PKNOX2: variants seen among roughly 807,000 people sequenced by gnomAD.
PKNOX2 encodes the protein PBX/knotted 1 homeobox 2, also known as homeobox protein PKNOX2.
A neutral mutation model predicts 53.1 loss-of-function variants in PKNOX2; 14 were observed. The ratio of observed to expected loss-of-function variants is 0.26; its 90% CI spans 0.17 to 0.41. PKNOX2 has a LOEUF of 0.41. Ranked by LOEUF, PKNOX2 falls within the 10% of genes least tolerant of loss-of-function variation. PKNOX2 has a pLI of 1.00. For missense variants in PKNOX2, 496 were observed against 602.8 expected, an observed-to-expected ratio of 0.82 and a Z score of 1.85; for synonymous variants, 257 against 242.8, an observed-to-expected ratio of 1.06 and a Z score of -0.54.
At chr11:125,234,090 T>A (rs1257855776) in intron 1 of PKNOX2, among the ~76,000 whole-genome samples, 1 of 152,146 alleles carries the variant, frequency 6.6e-6, no homozygotes, top group East Asian at 1.9e-4. Context: ...GAATGCCTTC[T>A]CCTCCCTCCC....
chr11:125,178,577 G>A (rs79192698), intron 1 of PKNOX2, among the ~76,000 whole-genome samples: 1,879 of 33,764 alleles, frequency 0.056, 55 homozygotes, highest in South Asian at 0.087. Flanking sequence ...AAGGAAGGAA[G>A]GAAGGAAGGA....
chr11:125,341,932 G>A (rs947413779), intron 3 of PKNOX2, among the ~76,000 whole-genome samples: 2 of 152,204 alleles, frequency 1.3e-5, no homozygotes. Flanking sequence ...CTTCCAAGGG[G>A]GTGGTGAGGA....
intron 2 of PKNOX2, among the ~76,000 whole-genome samples, chr11:125,315,314 A>C (rs951184162): frequency 3.3e-5 from 5 of 150,520 alleles, no homozygotes; most frequent in Admixed American, 1.3e-4. Context: ...AAAAAAAAAA[A>C]AAAAAAAAAA....
At chr11:125,296,263 G>A (rs555518298) in intron 2 of PKNOX2, among the ~76,000 whole-genome samples, 21 of 152,036 alleles carry the variant, frequency 1.4e-4, no homozygotes, top group African/African-American at 3.4e-4. Flanking sequence ...CTCAAAAGCC[G>A]CCAGTGTCTT....
At chr11:125,321,153 T>C (rs1949494667) in intron 2 of PKNOX2, among the ~76,000 whole-genome samples, 1 of 152,204 alleles carries the variant, frequency 6.6e-6, no homozygotes, top group South Asian at 2.1e-4. Flanking sequence ...AGCAAAGGCC[T>C]GGAGGTGTCT....
chr11:125,277,899 T>G (rs941149484), intron 2 of PKNOX2, among the ~76,000 whole-genome samples: 1 of 152,172 alleles, frequency 6.6e-6, no homozygotes, highest in Non-Finnish European at 1.5e-5. Context: ...AATATACAGC[T>G]ATTATGTATC....
At chr11:125,374,795 C>T (rs188171320) in intron 5 of PKNOX2, among the ~76,000 whole-genome samples, 33 of 152,290 alleles carry the variant, frequency 2.2e-4, no homozygotes, top group African/African-American at 7.5e-4. Flanking sequence ...ATAACCAATG[C>T]TAACAGCTGG....
chr11:125,264,285 G>A (rs1280290933), intron 2 of PKNOX2, among the ~76,000 whole-genome samples: 2 of 152,140 alleles, frequency 1.3e-5, no homozygotes, highest in African/African-American at 4.8e-5. Context: ...TCCTCTCCTG[G>A]GCTGAGCTCA....
chr11:125,290,652 T>C (rs1450500957), intron 2 of PKNOX2, among the ~76,000 whole-genome samples: 1 of 152,232 alleles, frequency 6.6e-6, no homozygotes, highest in Non-Finnish European at 1.5e-5. Context: ...TTCTTTAGTC[T>C]CAGTCATACA....
chr11:125,327,731 G>A (rs1408429391), intron 2 of PKNOX2, among the ~76,000 whole-genome samples: 3 of 152,156 alleles, frequency 2.0e-5, no homozygotes, highest in African/African-American at 7.2e-5. Context: ...GGAATTGCTG[G>A]CAGTGACAGG....
At chr11:125,313,768 T>C (rs1948976484) in intron 2 of PKNOX2, among the ~76,000 whole-genome samples, 1 of 152,178 alleles carries the variant, frequency 6.6e-6, no homozygotes, top group Non-Finnish European at 1.5e-5. Flanking sequence ...TGAAATGAAA[T>C]TAAACATTCA....
At position 125,405,428 on chromosome 11, in the gene PKNOX2, G is replaced by A. The variant is rs77330804; in HGVS notation, c.589-4768G>A. 7.1e-3 allele frequency among the ~76,000 whole-genome samples: 1,075 copies of A among 152,196 alleles called. 7 individuals carry two copies. Among genetic ancestry groups the A allele is most frequent in the African/African-American group, 0.025 (1,024 of 41,534 alleles). On this transcript the variant is annotated intron_variant, in intron 7 of 12. Coordinates refer to ENST00000298282, the MANE Select transcript of PKNOX2 (RefSeq NM_001382323.2). ...CCTTTCCCTATTAAAAATGAAGCAC[G>A]GTGGCTCACAGGGACAGACAGCTCT...
intron 1 of PKNOX2, among the ~76,000 whole-genome samples, chr11:125,234,459 C>T (rs1942497748): frequency 6.6e-6 from 1 of 152,168 alleles, no homozygotes; most frequent in African/African-American, 2.4e-5. Context: ...CTTTCCAGTC[C>T]TGCACCATCA....
intron 1 of PKNOX2, among the ~76,000 whole-genome samples, chr11:125,167,197 G>A (rs964574055): frequency 6.7e-6 from 1 of 148,406 alleles, no homozygotes; most frequent in Admixed American, 6.7e-5. Flanking sequence ...TGTGTGGGGG[G>A]TGGGAGCGGG....
chr11:125,231,640 T>C (rs2135551425), intron 1 of PKNOX2, among the ~76,000 whole-genome samples: 1 of 152,294 alleles, frequency 6.6e-6, no homozygotes, highest in East Asian at 1.9e-4. Flanking sequence ...AGGAAGACTT[T>C]TTCAGTGGTG....
chr11:125,222,366 T>C (rs1160225750), intron 1 of PKNOX2, among the ~76,000 whole-genome samples: 3 of 152,174 alleles, frequency 2.0e-5, no homozygotes, highest in African/African-American at 7.2e-5. Flanking sequence ...CTATGTTGTC[T>C]TTTTGTTTTT....
At chr11:125,191,834 T>G (rs780768176) in intron 1 of PKNOX2, among the ~76,000 whole-genome samples, 1 of 152,212 alleles carries the variant, frequency 6.6e-6, no homozygotes, top group Non-Finnish European at 1.5e-5. Flanking sequence ...TATATCCTTT[T>G]CAACTTTAAT....
chr11:125,375,030 G>A (rs2135288478), intron 5 of PKNOX2, among the ~76,000 whole-genome samples: 1 of 152,286 alleles, frequency 6.6e-6, no homozygotes, highest in Non-Finnish European at 1.5e-5. Context: ...AGCTAAGCCA[G>A]CTTCCCTGTC....
chr11:125,421,077 A>G (rs947209042), intron 10 of PKNOX2, among the ~76,000 whole-genome samples: 2 of 152,248 alleles, frequency 1.3e-5, no homozygotes, highest in African/African-American at 4.8e-5. Context: ...TCCAAATAAC[A>G]TATCTCTTCA....
Sources: allele counts gnomAD v4.1 joint callset (sites outside exome capture counted in the v4.1 genomes callset), GRCh38; gene constraint gnomAD v4.1.1; transcripts MANE v1.5; gene names NCBI Gene and HGNC (gene_info 2026-07-23, HGNC 2026-07-21).